Variants in NKAIN2 observed in about 807,000 individuals in gnomAD.
The protein encoded by NKAIN2 is sodium/potassium-transporting ATPase subunit beta-1-interacting protein 2.
Under a neutral mutation model 32.6 loss-of-function variants are expected in NKAIN2, and 14 were observed. The observed-to-expected ratio is 0.43, with a 90% CI of 0.28 to 0.67. The LOEUF (loss-of-function observed/expected upper bound fraction) is 0.67, where lower values mean the gene tolerates loss of function less well. NKAIN2 is among the 30% of genes least tolerant of loss of function. The pLI, the probability that NKAIN2 is intolerant of heterozygous loss-of-function variation, is 0.17. For missense variants in NKAIN2, 198 were observed against 258.3 expected (o/e 0.77, Z 1.60); for synonymous variants, 80 against 87.2 (o/e 0.92, Z 0.46).
chr6:124,726,321 G>A (rs1180187494), intron 4 of NKAIN2, among the ~76,000 whole-genome samples: 11 of 152,310 alleles, frequency 7.2e-5, no homozygotes, highest in African/African-American at 2.4e-4. Context: ...TGACAGCTTT[G>A]AAGAGAGCAG....
intron 2 of NKAIN2, among the ~76,000 whole-genome samples, chr6:124,293,756 T>C (rs1255488226): frequency 6.6e-6 from 1 of 152,178 alleles, no homozygotes; most frequent in African/African-American, 2.4e-5. Flanking sequence ...TTGGTCTTTT[T>C]TCTGCATACC....
intron 1 of NKAIN2, among the ~76,000 whole-genome samples, chr6:124,182,191 A>T (rs370610451): frequency 4.6e-5 from 7 of 152,150 alleles, no homozygotes; most frequent in African/African-American, 1.4e-4. Flanking sequence ...CTCATTCACT[A>T]TCATGAGAAC....
intron 2 of NKAIN2, among the ~76,000 whole-genome samples, chr6:124,332,777 C>T (rs1797716248): frequency 6.6e-6 from 1 of 152,190 alleles, no homozygotes; most frequent in South Asian, 2.1e-4. Context: ...GCTATCACCA[C>T]TGTTGGACTT....
At chr6:124,657,375 G>T (rs1784577757) in intron 3 of NKAIN2, among the ~76,000 whole-genome samples, 1 of 152,124 alleles carries the variant, frequency 6.6e-6, no homozygotes, top group South Asian at 2.1e-4. Context: ...TTCCCTGGAA[G>T]ACAACATTTG....
At chr6:124,132,663 C>T (rs577514347) in intron 1 of NKAIN2, among the ~76,000 whole-genome samples, 15 of 152,340 alleles carry the variant, frequency 9.8e-5, no homozygotes, top group Non-Finnish European at 1.5e-4. Context: ...AAGGCCAACA[C>T]AATAAACCTA....
chr6:123,907,972 A>G (rs1376067008), intron 1 of NKAIN2, among the ~76,000 whole-genome samples: 6 of 152,174 alleles, frequency 3.9e-5, no homozygotes, highest in Non-Finnish European at 5.9e-5. Flanking sequence ...GACCAAATTT[A>G]TGCCCTGTAT....
intron 1 of NKAIN2, among the ~76,000 whole-genome samples, chr6:124,004,900 T>TAA (rs61291413): frequency 7.2e-6 from 1 of 138,546 alleles, no homozygotes. Context: ...AAAAAGAAAG[T>TAA]AAAAAAAAAA....
At chr6:124,168,764 T>C (rs1788699206) in intron 1 of NKAIN2, among the ~76,000 whole-genome samples, 1 of 152,092 alleles carries the variant, frequency 6.6e-6, no homozygotes, top group South Asian at 2.1e-4. Context: ...CTCTTGTAAA[T>C]TTTATTAAGT....
Position 124,124,084 on chromosome 6 carries a change from A to T in NKAIN2, c.55-158921A>T, listed in dbSNP as rs550727584. 2.0e-5 allele frequency among the ~76,000 whole-genome samples: 3 copies of T among 152,236 alleles called. No homozygotes were observed. The South Asian group carries it at 6.2e-4, about 32-fold the overall frequency. On this transcript the variant is annotated intron_variant, in intron 1 of 6. Transcript: ENST00000368417. ...TGCTGTCATACTTGCTTGGTCTGAA[A>T]ATGTTGACAAGTATTGATTTTCTAC...
chr6:124,138,805 TTAATC>T lies in NKAIN2; in HGVS notation c.55-144196_55-144192del, dbSNP rs1350674110. On this transcript the variant is annotated intron_variant, in intron 1 of 6. Transcript: ENST00000368417. ...GCAACTTGGATGGAGTTAGAGACCA[TTAATC>T]TAAGTAACTCAGGAATGGAAATCCA... 6.0e-5 allele frequency among the ~76,000 whole-genome samples: 9 copies of T among 150,154 alleles called. No homozygotes were observed. The East Asian group carries it at 1.7e-3, about 29-fold the overall frequency.
intron 3 of NKAIN2, among the ~76,000 whole-genome samples, chr6:124,611,990 TAAAC>T (rs939751622): frequency 6.7e-6 from 1 of 149,352 alleles, no homozygotes; most frequent in Non-Finnish European, 1.5e-5. Context: ...TGCAGCTGAA[TAAAC>T]AAACGGTAGG....
chr6:124,566,766 C>CTAA (rs1780929732), intron 3 of NKAIN2, among the ~76,000 whole-genome samples: 1 of 151,924 alleles, frequency 6.6e-6, no homozygotes, highest in African/African-American at 2.4e-5. Context: ...CCTAGGGTGA[C>CTAA]ATAATTGAGT....
chr6:124,078,786 TTGTG>T (rs71021477), intron 1 of NKAIN2, among the ~76,000 whole-genome samples: 8,394 of 144,546 alleles, frequency 0.058, 266 homozygotes, highest in Middle Eastern at 0.11. Context: ...TATGTCGTTT[TTGTG>T]TGTGTGTGTG....
At chr6:124,782,908 A>G (rs1294988728) in intron 4 of NKAIN2, among the ~76,000 whole-genome samples, 1 of 152,086 alleles carries the variant, frequency 6.6e-6, no homozygotes, top group Non-Finnish European at 1.5e-5. Flanking sequence ...GGTATTATTG[A>G]TAGTTGCTTT....
chr6:124,587,644 T>C (rs944091656), intron 3 of NKAIN2, among the ~76,000 whole-genome samples: 2 of 152,166 alleles, frequency 1.3e-5, no homozygotes, highest in Admixed American at 6.5e-5. Flanking sequence ...CAGGTTTCCA[T>C]ATCTAAGCTT....
chr6:124,590,271 G>C (rs138377511), intron 3 of NKAIN2, among the ~76,000 whole-genome samples: 45 of 152,272 alleles, frequency 3.0e-4, no homozygotes, highest in African/African-American at 9.9e-4. Flanking sequence ...TCTAGTGTCA[G>C]GTCTGTGTTG....
chr6:124,097,965 A>T (rs1582637635), intron 1 of NKAIN2, among the ~76,000 whole-genome samples: 1 of 151,540 alleles, frequency 6.6e-6, no homozygotes, highest in Non-Finnish European at 1.5e-5. Context: ...TGGCTAAGAG[A>T]TGGACTATAC....
At chr6:123,956,860 A>C (rs1290697287) in intron 1 of NKAIN2, among the ~76,000 whole-genome samples, 1 of 152,244 alleles carries the variant, frequency 6.6e-6, no homozygotes, top group Non-Finnish European at 1.5e-5. Context: ...AGAGAATAAA[A>C]GTAAATTCAA....
chr6:124,123,352 G>A (rs1323155712), intron 1 of NKAIN2, among the ~76,000 whole-genome samples: 1 of 151,798 alleles, frequency 6.6e-6, no homozygotes, highest in Non-Finnish European at 1.5e-5. Context: ...TGATTACGTG[G>A]GTGAGAGAGA....
Sources: allele counts gnomAD v4.1 joint callset (sites outside exome capture counted in the v4.1 genomes callset), GRCh38; gene constraint gnomAD v4.1.1; transcripts MANE v1.5; gene names NCBI Gene and HGNC (gene_info 2026-07-23, HGNC 2026-07-21).